Variants in TTC28 observed in about 807,000 individuals in gnomAD.
The protein encoded by TTC28 is tetratricopeptide repeat domain 28.
In TTC28, 61 loss-of-function variants were observed where a neutral mutation model predicts 198.0. That is an observed-to-expected ratio of 0.31 (90% CI 0.25 to 0.38). The LOEUF (loss-of-function observed/expected upper bound fraction) is 0.38, where lower values mean the gene tolerates loss of function less well. Among genes scored for constraint, TTC28 ranks in the 10% least tolerant of loss-of-function variants. The pLI is 1.00. For synonymous variants in TTC28, 1,171 were observed against 1,297.8 expected, an observed-to-expected ratio of 0.90 and a Z score of 2.10; for missense variants, 2,678 against 3,164.0, an observed-to-expected ratio of 0.85 and a Z score of 3.69.
At chr22:28,622,536 GAAT>G (rs111460294) in intron 2 of TTC28, among the ~76,000 whole-genome samples, 20,638 of 151,614 alleles carry the variant, frequency 0.14, 1,619 homozygotes, top group African/African-American at 0.2. Context: ...AGCATGAAAA[GAAT>G]ATCAGAGGGA....
At position 28,228,173 on chromosome 22, in the gene TTC28, G is replaced by C. The variant is rs750606063; in HGVS notation, c.934-64574C>G. Among the ~76,000 whole-genome samples, 12 of 152,024 alleles carry C rather than the reference G, an allele frequency of 7.9e-5. 1 individual carries two copies. The highest frequency in any genetic ancestry group is 6.3e-4 in the South Asian group (3 of 4,800). On this transcript the variant is annotated intron_variant, in intron 5 of 22. Transcript: ENST00000397906. ...TACCTAGAGTAAACAAATTCACAGA[G>C]ACAGAAAGGAGAATGATGGTTGCTA...
At chr22:28,146,481 G>A (rs566164561) in intron 6 of TTC28, among the ~76,000 whole-genome samples, 33 of 152,328 alleles carry the variant, frequency 2.2e-4, no homozygotes, top group African/African-American at 3.1e-4. Context: ...CCAGCTCGCC[G>A]GATGGTGCCA....
At chr22:28,068,178 G>C (rs558509364) in intron 12 of TTC28, among the ~76,000 whole-genome samples, 8 of 152,158 alleles carry the variant, frequency 5.3e-5, no homozygotes, top group Non-Finnish European at 1.2e-4. Flanking sequence ...CTTATCCACA[G>C]TAAATGCTCG....
Position 27,983,037 on chromosome 22 carries a change from T to C in TTC28, c.6630A>G (p.Glu2210=), listed in dbSNP as rs747827727. ...GAACAGGCCTGCTGAACGCACTGGT[T>C]TCTGACGCTCTGAAGACAGCAGTGC... ...PSSTAVFRAS[E]TSAFSRPVLS... is the part of the protein sequence containing the mutation. Residue 2210 remains glutamate, a synonymous_variant, in exon 23 of 23, where the codon GAA becomes GAG. Coordinates refer to ENST00000397906, the MANE Select transcript of TTC28 (RefSeq NM_001145418.2). 3.9e-6 allele frequency: 6 copies of C among 1,551,534 alleles called. No homozygotes were observed. The highest frequency in any genetic ancestry group is 5.2e-6 in the Non-Finnish European group (6 of 1,146,976).
At chr22:28,566,810 G>A (rs924774028) in intron 2 of TTC28, among the ~76,000 whole-genome samples, 3 of 152,206 alleles carry the variant, frequency 2.0e-5, no homozygotes, top group Non-Finnish European at 4.4e-5. Context: ...TTGGCCAGGT[G>A]CAGTGGCTCA....
chr22:28,078,931 G>T (rs1941249051), intron 12 of TTC28, among the ~76,000 whole-genome samples: 1 of 152,156 alleles, frequency 6.6e-6, no homozygotes, highest in African/African-American at 2.4e-5. Context: ...ATAACTCTAA[G>T]GTGGGAAAGC....
intron 6 of TTC28, among the ~76,000 whole-genome samples, chr22:28,118,229 T>A (rs1187996698): frequency 6.6e-6 from 1 of 151,966 alleles, no homozygotes; most frequent in Non-Finnish European, 1.5e-5. Context: ...TGAAACCCCG[T>A]CTCTACTAAA....
At chr22:28,029,185 T>G (rs1384024446) in intron 13 of TTC28, 1 of 455,316 alleles carries the variant, frequency 2.2e-6, no homozygotes, top group Non-Finnish European at 4.6e-6. Context: ...AAGGGTGAAC[T>G]AGCTTGAAGT....
chr22:28,465,911 GA>G (rs1319359317), intron 2 of TTC28, among the ~76,000 whole-genome samples: 19 of 152,168 alleles, frequency 1.2e-4, no homozygotes, highest in Admixed American at 1.2e-3. Context: ...GGAGGAAAGA[GA>G]AAGGAAGAAA....
At chr22:28,484,522 A>T (rs1004681218) in intron 2 of TTC28, among the ~76,000 whole-genome samples, 5 of 152,134 alleles carry the variant, frequency 3.3e-5, no homozygotes, top group Non-Finnish European at 7.4e-5. Flanking sequence ...AGCTCTTCTG[A>T]TCCCTCCCTG....
chr22:28,022,530 C>A (rs372231981), intron 13 of TTC28, among the ~76,000 whole-genome samples: 2 of 152,340 alleles, frequency 1.3e-5, no homozygotes, highest in South Asian at 2.1e-4. Flanking sequence ...TCAGGTGAGC[C>A]CCTCAACCCC....
chr22:28,384,485 C>A (rs2046544025), intron 2 of TTC28, among the ~76,000 whole-genome samples: 1 of 152,190 alleles, frequency 6.6e-6, no homozygotes, highest in Non-Finnish European at 1.5e-5. Flanking sequence ...CTCTTTGTCC[C>A]ATACTAGAAC....
chr22:28,541,886 G>A (rs1601541614), intron 2 of TTC28, among the ~76,000 whole-genome samples: 1 of 151,934 alleles, frequency 6.6e-6, no homozygotes. Flanking sequence ...TTTGAGACCA[G>A]CCTGAGCAAT....
intron 5 of TTC28, among the ~76,000 whole-genome samples, chr22:28,191,743 G>A (rs1045830654): frequency 1.3e-5 from 2 of 152,192 alleles, no homozygotes; most frequent in African/African-American, 4.8e-5. Flanking sequence ...GGCTGGGGGA[G>A]GGGTGCCTGA....
chr22:28,216,224 G>A (rs1436210429), intron 5 of TTC28, among the ~76,000 whole-genome samples: 3 of 152,122 alleles, frequency 2.0e-5, no homozygotes, highest in Non-Finnish European at 1.5e-5. Context: ...ATGAAGACCT[G>A]GCATATAACT....
At chr22:28,246,429 G>A (rs776839518) in intron 5 of TTC28, among the ~76,000 whole-genome samples, 3 of 152,026 alleles carry the variant, frequency 2.0e-5, no homozygotes, top group Non-Finnish European at 4.4e-5. Context: ...GCTTTTTTCT[G>A]GTCTATAACA....
At chr22:28,262,373 A>G (rs1052932976) in intron 5 of TTC28, among the ~76,000 whole-genome samples, 1 of 152,174 alleles carries the variant, frequency 6.6e-6, no homozygotes, top group African/African-American at 2.4e-5. Flanking sequence ...TATGCAAGCA[A>G]TAGTTCGGAG....
chr22:28,409,945 A>C (rs986324861), intron 2 of TTC28, among the ~76,000 whole-genome samples: 1 of 149,054 alleles, frequency 6.7e-6, no homozygotes, highest in African/African-American at 2.5e-5. Flanking sequence ...TTTTTGAGAC[A>C]GAGTCTCGCT....
chr22:28,676,396 G>T (rs2051990646), intron 1 of TTC28, among the ~76,000 whole-genome samples: 1 of 152,136 alleles, frequency 6.6e-6, no homozygotes, highest in African/African-American at 2.4e-5. Flanking sequence ...GGGATTTCTT[G>T]TGGACTGATG....
Sources: gnomAD v4.1 joint callset for allele counts (sites outside exome capture counted in the v4.1 genomes callset) on GRCh38, gnomAD v4.1.1 for gene constraint, MANE v1.5 for transcripts, NCBI Gene and HGNC (gene_info 2026-07-23, HGNC 2026-07-21) for gene names.